UBR7: variants seen among roughly 807,000 people sequenced by gnomAD.
UBR7 encodes ubiquitin protein ligase E3 component n-recognin 7.
In UBR7, 22 loss-of-function variants were observed where a neutral mutation model predicts 57.0. That is an observed-to-expected ratio of 0.39 (90% CI 0.28 to 0.55). UBR7 has a LOEUF of 0.55. Among genes scored for constraint, UBR7 ranks in the 20% least tolerant of loss-of-function variants. UBR7 has a pLI of 0.69. For synonymous variants in UBR7, 167 were observed against 179.8 expected, an observed-to-expected ratio of 0.93 and a Z score of 0.57; for missense variants, 395 against 513.2, an observed-to-expected ratio of 0.77 and a Z score of 2.23.
rs550594650 is a variant in UBR7, at chr14:93,222,995, T to A, written c.1185+621T>A. Among the ~76,000 whole-genome samples, 6 of 152,330 alleles carry A rather than the reference T, an allele frequency of 3.9e-5. 1 individual carries two copies. Among genetic ancestry groups the A allele is most frequent in the African/African-American group, 1.4e-4 (6 of 41,572 alleles). Reference sequence around the variant, plus strand: ...TCCGCAGTACTGATTCTGCTGGTCCTGACCTTGAAGCATGGATCTTTGGGA... The same window carrying A: ...TCCGCAGTACTGATTCTGCTGGTCCAGACCTTGAAGCATGGATCTTTGGGA... On this transcript the variant is annotated intron_variant, in intron 10 of 10. Transcript: ENST00000013070.
At chr14:93,222,082 T>C (rs1894719804) in intron 9 of UBR7, among the ~76,000 whole-genome samples, 1 of 152,024 alleles carries the variant, frequency 6.6e-6, no homozygotes, top group African/African-American at 2.4e-5. Context: ...ATCTCTGCTT[T>C]TTATGCTTTT....
chr14:93,214,854 AT>A, intron 4 of UBR7, 74 bp from the exon 5 acceptor site: 1 of 1,309,428 alleles, frequency 7.6e-7, no homozygotes, highest in African/African-American at 1.5e-5. Context: ...TTAGTATCTT[AT>A]TTTACTGTGT....
At position 93,218,490 on chromosome 14, in the gene UBR7, T is replaced by C. The variant is rs199600724; in HGVS notation, c.602-37T>C. On this transcript the variant is annotated intron_variant, in intron 6 of 10. Coordinates refer to ENST00000013070, the MANE Select transcript of UBR7 (RefSeq NM_175748.4). ...TTATTGTCCGTTAGGTCAGTGGATA[T>C]GTGTGTATGTGTTTTTCTTTTTCTT... 143 of 1,546,750 alleles carry C rather than the reference T, an allele frequency of 9.2e-5. No individual in the cohort carries two copies. The East Asian group carries it at 2.5e-3, about 27-fold the overall frequency.
intron 4 of UBR7, among the ~76,000 whole-genome samples, chr14:93,214,275 T>G (rs1894547942): frequency 6.6e-6 from 1 of 152,234 alleles, no homozygotes; most frequent in South Asian, 2.1e-4. Flanking sequence ...GCTCCTCCTG[T>G]TCCACAATAT....
chr14:93,217,610 C>G (rs371455285), intron 6 of UBR7, among the ~76,000 whole-genome samples: 37 of 152,294 alleles, frequency 2.4e-4, no homozygotes, highest in African/African-American at 8.7e-4. Flanking sequence ...AAGTACAGTA[C>G]AATATTTTCT....
At chr14:93,218,051 G>A (rs1043701283) in intron 6 of UBR7, among the ~76,000 whole-genome samples, 11 of 148,372 alleles carry the variant, frequency 7.4e-5, no homozygotes, top group Admixed American at 2.7e-4. Context: ...CCAAGATCAC[G>A]CCATTGCACT....
At chr14:93,220,170 G>A in intron 8 of UBR7, 79 bp from the exon 9 acceptor site, 2 of 1,463,214 alleles carry the variant, frequency 1.4e-6, no homozygotes, top group Middle Eastern at 2.4e-4. Context: ...TGATTCTCAG[G>A]AAATTGGCTT....
chr14:93,227,123 C>A lies in UBR7; in HGVS notation c.*88C>A. On this transcript the variant is annotated 3_prime_UTR_variant, in exon 11 of 11. Transcript: ENST00000013070. Reference sequence around the variant, plus strand: ...AGAGGTGTGGTTCACATTTGGCCCCCTTTCCGTCCTCCTCTGTTTGGAGAG... The same window carrying A: ...AGAGGTGTGGTTCACATTTGGCCCCATTTCCGTCCTCCTCTGTTTGGAGAG... 9.9e-7 allele frequency: 1 copy of A among 1,007,904 alleles called. No individual in the cohort carries two copies. Among genetic ancestry groups the A allele is most frequent in the South Asian group, 1.3e-5 (1 of 75,874 alleles). The allele number at this position is 1,007,904 out of a possible 1,614,324, so 62.4% of individuals were successfully genotyped here. A position where few individuals can be genotyped will look rare whatever the true frequency, so the allele number is the denominator to read the frequency against.
At chr14:93,218,460 G>A (rs1894635404) in intron 6 of UBR7, 67 bp from the exon 7 acceptor site, 1 of 1,324,898 alleles carries the variant, frequency 7.5e-7, no homozygotes, top group Admixed American at 1.7e-5. Flanking sequence ...TTGTCTGTTG[G>A]GATTTTATTG....
chr14:93,223,631 G>A (rs1894762345), intron 10 of UBR7: 4 of 1,370,270 alleles, frequency 2.9e-6, no homozygotes, highest in Non-Finnish European at 4.1e-6. Context: ...TGGTGGTGAA[G>A]CGTGGCTTGG....
intron 10 of UBR7, chr14:93,224,214 C>G (rs552312747): frequency 1.4e-5 from 7 of 513,626 alleles, no homozygotes; most frequent in Non-Finnish European, 2.1e-5. Flanking sequence ...GTGGGAAGAA[C>G]ATTTAACTGC....
chr14:93,226,070 C>T (rs1306336999), intron 10 of UBR7, among the ~76,000 whole-genome samples: 1 of 152,156 alleles, frequency 6.6e-6, no homozygotes, highest in African/African-American at 2.4e-5. Context: ...ACTGGTTGAG[C>T]AGCAGTATTA....
chr14:93,208,774 T>C (rs953065124), intron 1 of UBR7, among the ~76,000 whole-genome samples: 1 of 152,080 alleles, frequency 6.6e-6, no homozygotes, highest in African/African-American at 2.4e-5. Flanking sequence ...TAGAGGAAGG[T>C]AACTATACCT....
intron 4 of UBR7, among the ~76,000 whole-genome samples, chr14:93,213,369 G>A (rs977379707): frequency 6.6e-6 from 1 of 151,062 alleles, no homozygotes; most frequent in African/African-American, 2.4e-5. Flanking sequence ...ATGCAGTGGC[G>A]CGATCTCGGC....
rs1894886977 is a variant in UBR7 at position 93,227,600 on chromosome 14, C to A, written c.*565C>A. ...ATCTTGGGGCTTGTTTTCTCTAGGC[C>A]CAACCTCCAGAGTAGCCAGGACTGA... On this transcript the variant is annotated 3_prime_UTR_variant, in exon 11 of 11. Transcript: ENST00000013070. The A allele has an allele frequency of 8.6e-6, 6 of 700,400 alleles. No individual in the cohort carries two copies. The highest frequency in any genetic ancestry group is 1.6e-5 in the Non-Finnish European group (6 of 384,802). The allele number at this position is 700,400 out of a possible 1,614,324, so 43.4% of individuals were successfully genotyped here. A position where few individuals can be genotyped will look rare whatever the true frequency, so the allele number is the denominator to read the frequency against.
At chr14:93,208,275 G>A (rs1894408720) in intron 1 of UBR7, among the ~76,000 whole-genome samples, 1 of 152,026 alleles carries the variant, frequency 6.6e-6, no homozygotes, top group Admixed American at 6.6e-5. Context: ...GGAACACTGG[G>A]GAGATGAGGG....
intron 10 of UBR7, among the ~76,000 whole-genome samples, chr14:93,223,343 C>T (rs1894751178): frequency 7.9e-6 from 1 of 127,102 alleles, no homozygotes; most frequent in Non-Finnish European, 1.5e-5. Flanking sequence ...TGCAGTGAGC[C>T]AAGATTGTGC....
In UBR7 at chr14:93,207,276, C is replaced by G. The variant is rs768031472; in HGVS notation, c.-16C>G. 14 of 1,551,936 alleles carry G rather than the reference C, an allele frequency of 9.0e-6. No individual in the cohort carries two copies. The highest frequency in any genetic ancestry group is 1.1e-5 in the Non-Finnish European group (13 of 1,147,898). On this transcript the variant is annotated 5_prime_UTR_variant, in exon 1 of 11. Transcript: ENST00000013070. Reference sequence around the variant, plus strand: ...CCTCCGCCGGGGCCGAGCCGCTGTTCGGCTGACAGTTGAGGATGGCCGGAG... The same window carrying G: ...CCTCCGCCGGGGCCGAGCCGCTGTTGGGCTGACAGTTGAGGATGGCCGGAG...
chr14:93,217,746 G>C (rs971529396), intron 6 of UBR7, among the ~76,000 whole-genome samples: 1 of 152,150 alleles, frequency 6.6e-6, no homozygotes, highest in Non-Finnish European at 1.5e-5. Context: ...CAGTATTTCG[G>C]AGACTACGGT....
Sources: allele counts gnomAD v4.1 joint callset (sites outside exome capture counted in the v4.1 genomes callset), GRCh38; gene constraint gnomAD v4.1.1; transcripts MANE v1.5; gene names NCBI Gene and HGNC (gene_info 2026-07-23, HGNC 2026-07-21).